The following RMDN3 variants were observed in gnomAD, a reference collection of about 807,000 sequenced individuals.
RMDN3 encodes the protein regulator of microtubule dynamics 3.
Under a neutral mutation model 61.8 loss-of-function variants are expected in RMDN3, and 41 were observed. The ratio of observed to expected loss-of-function variants is 0.66; its 90% CI spans 0.52 to 0.86. RMDN3 has a LOEUF of 0.86. RMDN3 is among the 40% of genes least tolerant of loss of function. The probability of loss-of-function intolerance (pLI) is 0.00; values close to 1 mark genes in which losing one functional copy is unlikely to be tolerated. For synonymous variants in RMDN3, 247 were observed against 232.0 expected, an observed-to-expected ratio of 1.06 and a Z score of -0.59; for missense variants, 557 against 585.3, an observed-to-expected ratio of 0.95 and a Z score of 0.50.
chr15:40,737,965 C>T lies in RMDN3; in HGVS notation c.1125G>A (p.Gln375=). 1.2e-6 allele frequency: 2 copies of T among 1,614,128 alleles called. No homozygotes were observed. Among genetic ancestry groups the T allele is most frequent in the Non-Finnish European group, 8.5e-7 (1 of 1,179,984 alleles). The change falls in exon 9 of 13, where the codon CAG becomes CAA. Residue 375 remains glutamine (Q), a splice_region_variant and synonymous_variant. Transcript: ENST00000338376. ...TGTCAAGCACTGAAACGCAGCTTAC[C>T]TGATAGCACCACCTGCCAAGAAGAA... is the stretch of plus-strand genomic sequence containing the variant. ...AHFLLGRWCY[Q]VSHLSWLEKK...
intron 5 of RMDN3, 57 bp from the exon 6 acceptor site, chr15:40,744,206 G>A (rs766855783): frequency 5.9e-6 from 9 of 1,513,130 alleles, no homozygotes; most frequent in Non-Finnish European, 8.2e-6. Flanking sequence ...GGAGAATGGG[G>A]GCCTTGGCCT....
chr15:40,748,743 G>T (rs1466462399), intron 4 of RMDN3, among the ~76,000 whole-genome samples: 1 of 151,950 alleles, frequency 6.6e-6, no homozygotes, highest in Non-Finnish European at 1.5e-5. Context: ...GGGATTACAG[G>T]CATGCACCAC....
Position 40,736,378 on chromosome 15 carries a change from A to AGGTTAGAATAAATTAACTAATGGGGAGT in RMDN3, c.*135_*162dup. 1.6e-6 allele frequency: 1 copy of AGGTTAGAATAAATTAACTAATGGGGAGT among 625,784 alleles called. No homozygotes were observed. Among genetic ancestry groups the AGGTTAGAATAAATTAACTAATGGGGAGT allele is most frequent in the African/African-American group, 1.9e-5 (1 of 53,676 alleles). The allele number at this position is 625,784 out of a possible 1,614,324, so 38.8% of individuals were successfully genotyped here. A position where few individuals can be genotyped will look rare whatever the true frequency, so the allele number is the denominator to read the frequency against. On this transcript the variant is annotated 3_prime_UTR_variant, in exon 13 of 13. Transcript: ENST00000338376. ...CTGCCCCAATTCTAGATTAGGTTAG[A>AGGTTAGAATAAATTAACTAATGGGGAGT]GGTTAGAATAAATTAACTAATGGGG... is the stretch of plus-strand genomic sequence containing the variant.
intron 4 of RMDN3, chr15:40,747,848 G>C (rs1483397536): frequency 1.3e-5 from 2 of 152,118 alleles, no homozygotes; most frequent in Non-Finnish European, 2.9e-5. Flanking sequence ...AACCATGTTA[G>C]AGACTGAGTA....
Position 40,736,324 on chromosome 15 carries a change from GA to G in RMDN3, c.*216del. The G allele has an allele frequency of 1.9e-6, 1 of 512,928 alleles. No homozygotes were observed. Among genetic ancestry groups the G allele is most frequent in the South Asian group, 3.2e-5 (1 of 31,708 alleles). 31.8% of individuals were successfully genotyped at this position (512,928 alleles called of 1,614,324 possible). A position where few individuals can be genotyped will look rare whatever the true frequency, so the allele number is the denominator to read the frequency against. ...TTTTTTTAAGAGATTACTCAAGGGA[GA>G]GAACAACAGAAACGGAAGCCATGAG... On this transcript the variant is annotated 3_prime_UTR_variant, in exon 13 of 13. Transcript: ENST00000338376.
At chr15:40,752,370 C>A (rs1018390502) in intron 2 of RMDN3, among the ~76,000 whole-genome samples, 192 bp from the exon 3 acceptor site, 1 of 152,138 alleles carries the variant, frequency 6.6e-6, no homozygotes, top group Admixed American at 6.5e-5. Context: ...AACGAGAGCC[C>A]TCTGCTCCAA....
At position 40,754,662 on chromosome 15, in the gene RMDN3, T is replaced by C. The variant is rs769844078; in HGVS notation, c.122A>G (p.His41Arg). Reference sequence around the variant, plus strand: ...GTTGGGCAGGCTCTGGCTGCGGCCATGACGCTGGGTCCGTTTCCATCGCTG... The same window carrying C: ...GTTGGGCAGGCTCTGGCTGCGGCCACGACGCTGGGTCCGTTTCCATCGCTG... Reference protein sequence around the residue: ...YSQRWKRTQRHGRSQSLPNSL... With the variant: ...YSQRWKRTQRRGRSQSLPNSL... Residue 41 changes from histidine to arginine, a missense_variant, in exon 2 of 13, where the codon CAT becomes CGT. Physicochemically the swap from His to Arg is conservative, Grantham distance 29. Transcript: ENST00000338376. The C allele has an allele frequency of 1.9e-6, 3 of 1,614,120 alleles. No homozygotes were observed. Among genetic ancestry groups the C allele is most frequent in the Middle Eastern group, 1.6e-4 (1 of 6,062 alleles).
intron 4 of RMDN3, among the ~76,000 whole-genome samples, chr15:40,746,277 A>T (rs1387953039): frequency 1.3e-5 from 2 of 152,184 alleles, no homozygotes; most frequent in Admixed American, 1.3e-4. Flanking sequence ...GCACTTTGGG[A>T]GGCCGAGGCG....
chr15:40,736,482 C>T lies in RMDN3; in HGVS notation c.*59G>A, dbSNP rs1209717820. Reference sequence around the variant, plus strand: ...TCTCAGCAAGGTCTAAGGAAAAAAGCCTCCCCGCCCCCCCACCTTAAATAG... The same window carrying T: ...TCTCAGCAAGGTCTAAGGAAAAAAGTCTCCCCGCCCCCCCACCTTAAATAG... On this transcript the variant is annotated 3_prime_UTR_variant, in exon 13 of 13. Coordinates refer to ENST00000338376, the MANE Select transcript of RMDN3 (RefSeq NM_018145.3). 7.8e-6 allele frequency: 12 copies of T among 1,534,112 alleles called. No homozygotes were observed. The highest frequency in any genetic ancestry group is 2.2e-5 in the East Asian group (1 of 44,500).
chr15:40,740,994 G>C (rs1897254136), intron 6 of RMDN3, among the ~76,000 whole-genome samples: 1 of 151,770 alleles, frequency 6.6e-6, no homozygotes, highest in African/African-American at 2.4e-5. Flanking sequence ...TGAGGCAGGA[G>C]AATCACTTGA....
chr15:40,751,036 G>C (rs1373461852), intron 4 of RMDN3, among the ~76,000 whole-genome samples: 1 of 152,202 alleles, frequency 6.6e-6, no homozygotes, highest in Non-Finnish European at 1.5e-5. Context: ...CACAGGCAAG[G>C]CTCCCCTGTG....
chr15:40,751,009 G>C (rs1897797586), intron 4 of RMDN3, among the ~76,000 whole-genome samples: 1 of 152,164 alleles, frequency 6.6e-6, no homozygotes, highest in South Asian at 2.1e-4. Flanking sequence ...CCTCCCACCT[G>C]TAAAAATGCA....
chr15:40,753,268 G>A (rs963314319), intron 2 of RMDN3, among the ~76,000 whole-genome samples: 3 of 152,146 alleles, frequency 2.0e-5, no homozygotes, highest in East Asian at 1.9e-4. Flanking sequence ...GGTGGCTCAC[G>A]CCTGTAATCC....
At position 40,737,687 on chromosome 15, in the gene RMDN3, C is replaced by A; in HGVS notation, c.1165G>T (p.Ala389Ser). The A allele has an allele frequency of 1.9e-6, 3 of 1,614,146 alleles. No homozygotes were observed. The highest frequency in any genetic ancestry group is 2.5e-6 in the Non-Finnish European group (3 of 1,180,036). ...GCACTGAGAGGGCTTTCAAGCAAGG[C>A]TGTAGCAGTTTTTTTTTCTAGCCAG... Reference protein sequence around the residue: ...LSWLEKKTATALLESPLSATV... With the variant: ...LSWLEKKTATSLLESPLSATV... Residue 389 changes from alanine (A) to serine (S), a missense_variant, in exon 10 of 13, where the codon GCC becomes TCC. Ala to Ser is a moderately conservative substitution (Grantham distance 99). Coordinates refer to ENST00000338376, the MANE Select transcript of RMDN3 (RefSeq NM_018145.3).
intron 1 of RMDN3, 140 bp downstream of exon 1, chr15:40,754,943 C>T: frequency 1.6e-6 from 1 of 633,650 alleles, no homozygotes; most frequent in Non-Finnish European, 2.7e-6. Flanking sequence ...ACTACGTGCA[C>T]CCCAGTCTGA....
intron 2 of RMDN3, among the ~76,000 whole-genome samples, chr15:40,753,166 T>C (rs1421125061): frequency 6.6e-6 from 1 of 152,160 alleles, no homozygotes; most frequent in African/African-American, 2.4e-5. Context: ...AACTAACTTT[T>C]CCAAACCATC....
Position 40,738,497 on chromosome 15 carries a change from T to G in RMDN3, c.1047+4A>C. On this transcript the variant is annotated splice_donor_region_variant and intron_variant, in intron 8 of 12. Coordinates refer to ENST00000338376, the MANE Select transcript of RMDN3 (RefSeq NM_018145.3). ...ACAAGGAAGGAGGAAAAGCCTGTCC[T>G]CACCTTGAAGCTAAAGCCACTCTGG... 1 of 1,614,044 alleles carries G rather than the reference T, an allele frequency of 6.2e-7. No homozygotes were observed. Among genetic ancestry groups the G allele is most frequent in the South Asian group, 1.1e-5 (1 of 91,064 alleles).
At chr15:40,748,959 A>T (rs1275151928) in intron 4 of RMDN3, among the ~76,000 whole-genome samples, 1 of 150,698 alleles carries the variant, frequency 6.6e-6, no homozygotes. Flanking sequence ...GCTGGAGTGC[A>T]GTGGTGCCAT....
chr15:40,741,706 C>A (rs146728149), intron 6 of RMDN3, among the ~76,000 whole-genome samples: 10 of 141,470 alleles, frequency 7.1e-5, no homozygotes, highest in East Asian at 2.2e-4. Context: ...CTAGGCTCAC[C>A]GCAACCTCCG....
Sources: allele counts gnomAD v4.1 joint callset (sites outside exome capture counted in the v4.1 genomes callset), GRCh38; gene constraint gnomAD v4.1.1; transcripts MANE v1.5; gene names NCBI Gene and HGNC (gene_info 2026-07-23, HGNC 2026-07-21).